Variants in CYFIP1 observed in about 807,000 individuals in gnomAD.
The protein encoded by CYFIP1 is cytoplasmic FMR1-interacting protein 1.
A neutral mutation model predicts 163.5 loss-of-function variants in CYFIP1; 58 were observed. That is an observed-to-expected ratio of 0.35 (90% confidence interval 0.29 to 0.44). CYFIP1 has a LOEUF of 0.44. Among genes scored for constraint, CYFIP1 ranks in the 20% least tolerant of loss-of-function variants. The pLI, the probability that CYFIP1 is intolerant of heterozygous loss-of-function variation, is 1.00. For missense variants in CYFIP1, 1,338 were observed against 1,653.8 expected (o/e 0.81, Z 3.31); for synonymous variants, 663 against 660.7 (o/e 1.00, Z -0.05).
intron 1 of CYFIP1, among the ~76,000 whole-genome samples, chr15:22,970,400 T>G (rs952287821): frequency 3.9e-5 from 6 of 152,226 alleles, no homozygotes; most frequent in Non-Finnish European, 5.9e-5. Flanking sequence ...TGCAATCCCT[T>G]TGAAAATTCC....
Position 22,928,009 on chromosome 15 carries a change from C to CGGCCCG in CYFIP1, c.1124_1129dup (p.Gly376_Arg377insProGly). ...CGCGTCCGTCTTCTGGGCCTCCTGGCGGCCCGAGCCCGTGACCACCTGCAC... is the reference window on the plus strand; with the variant it reads ...CGCGTCCGTCTTCTGGGCCTCCTGGCGGCCCGGGCCCGAGCCCGTGACCACCTGCAC... On this transcript the variant is annotated inframe_insertion, in exon 12 of 31. Coordinates refer to ENST00000617928, the MANE Select transcript of CYFIP1 (RefSeq NM_014608.6). 1 of 1,573,774 alleles carries CGGCCCG rather than the reference C, an allele frequency of 6.4e-7. No individual in the cohort carries two copies. The highest frequency in any genetic ancestry group is 2.3e-5 in the East Asian group (1 of 42,666).
At chr15:22,886,857 C>T (rs1392356714) in intron 23 of CYFIP1, among the ~76,000 whole-genome samples, 1 of 152,180 alleles carries the variant, frequency 6.6e-6, no homozygotes, top group Non-Finnish European at 1.5e-5. Context: ...TCTACTTGTT[C>T]TGTCAATTAC....
chr15:22,962,419 A>G (rs998401865), intron 1 of CYFIP1, among the ~76,000 whole-genome samples: 7 of 136,068 alleles, frequency 5.1e-5, no homozygotes, highest in African/African-American at 2.8e-5. Flanking sequence ...TTTTCTTGAG[A>G]CGGAGTTTTG....
rs1231311934 is a variant in CYFIP1 at position 22,880,005 on chromosome 15, C to T, written c.2950G>A (p.Val984Met). The T allele has an allele frequency of 6.2e-6, 10 of 1,613,952 alleles. No homozygotes were observed. Among genetic ancestry groups the T allele is most frequent in the South Asian group, 2.2e-5 (2 of 91,074 alleles). The change falls in exon 26 of 31, where the codon GTG (valine) becomes ATG (methionine). Residue 984 changes from valine (V) to methionine (M), a missense_variant. By Grantham distance (21) the Val-to-Met change is conservative (BLOSUM62 1). Transcript: ENST00000617928. ...ACCGTCTTCAGCTCTGCGTACTCCA[C>T]GATGTCCTTCAGCTGGTGGTGGAAG... ...EFFHHQLKDI[V>M]EYAELKTVCF...
chr15:22,960,582 G>A (rs2062642443), intron 1 of CYFIP1, among the ~76,000 whole-genome samples: 1 of 152,198 alleles, frequency 6.6e-6, no homozygotes, highest in Non-Finnish European at 1.5e-5. Context: ...GTCCATCAAA[G>A]GAACAAAAGC....
At chr15:22,933,664 G>C (rs2061610143) in intron 10 of CYFIP1, 138 bp downstream of exon 10, 2 of 642,936 alleles carry the variant, frequency 3.1e-6, no homozygotes, top group East Asian at 5.5e-5. Context: ...ATGTGGCAAA[G>C]GCTGCAATAC....
At chr15:22,907,713 G>A (rs1445305735) in intron 21 of CYFIP1, among the ~76,000 whole-genome samples, 1 of 152,202 alleles carries the variant, frequency 6.6e-6, no homozygotes, top group African/African-American at 2.4e-5. Context: ...AAATCCTAAA[G>A]ATTCAAAGGC....
intron 1 of CYFIP1, among the ~76,000 whole-genome samples, chr15:22,955,473 G>A (rs536863622): frequency 1.3e-5 from 2 of 152,332 alleles, no homozygotes; most frequent in African/African-American, 2.4e-5. Context: ...GAGGCAGCAT[G>A]GAGCTGGAGC....
chr15:22,933,275 G>A (rs1024738132), intron 10 of CYFIP1, among the ~76,000 whole-genome samples: 2 of 152,024 alleles, frequency 1.3e-5, no homozygotes, highest in Admixed American at 6.6e-5. Flanking sequence ...CATTTCAAAC[G>A]TGGCTGTCGT....
At chr15:22,977,758 G>A (rs1482492287) in intron 1 of CYFIP1, among the ~76,000 whole-genome samples, 1 of 151,212 alleles carries the variant, frequency 6.6e-6, no homozygotes, top group East Asian at 2.0e-4. Context: ...TTGAACCCAG[G>A]AGGTGGAAGT....
chr15:22,944,158 G>A (rs189480535), intron 5 of CYFIP1, among the ~76,000 whole-genome samples: 4 of 148,184 alleles, frequency 2.7e-5, no homozygotes, highest in Admixed American at 1.4e-4. Flanking sequence ...AGAATCGCTT[G>A]AACCTGGGAG....
Position 22,917,430 on chromosome 15 carries a change from C to T in CYFIP1, c.1674+358G>A. ...CACCTCACAGTTTCCCACGCCCCAT[C>T]TACAGTCATTTGCAGACCCAACGTA... On this transcript the variant is annotated intron_variant, in intron 15 of 30. Transcript: ENST00000617928. The surrounding 1 kb of genome is among the most constrained non-coding windows in gnomAD (Gnocchi z 4.2). The T allele has an allele frequency of 1.6e-6, 1 of 610,834 alleles. No homozygotes were observed. Among genetic ancestry groups the T allele is most frequent in the Non-Finnish European group, 2.5e-6 (1 of 406,698 alleles). The allele number at this position is 610,834 out of a possible 1,614,324, so 37.8% of individuals were successfully genotyped here. A position where few individuals can be genotyped will look rare whatever the true frequency, so the allele number is the denominator to read the frequency against.
At chr15:22,886,891 A>G (rs1269689621) in intron 23 of CYFIP1, among the ~76,000 whole-genome samples, 2 of 152,136 alleles carry the variant, frequency 1.3e-5, no homozygotes, top group East Asian at 1.9e-4. Context: ...GAAGTCCCCA[A>G]CTGTAACTGT....
At position 22,868,259 on chromosome 15, in the gene CYFIP1, C is replaced by CATAT. The variant is rs2059280317; in HGVS notation, c.*1768_*1769insATAT. ...CCATTTTAATACTACAGATGTACTA[C>CATAT]GTATCTGTTTATATACTGTACCTAC... is the stretch of plus-strand genomic sequence containing the variant. On this transcript the variant is annotated 3_prime_UTR_variant, in exon 31 of 31. Transcript: ENST00000617928. 1 of 151,664 alleles carries CATAT rather than the reference C, an allele frequency of 6.6e-6. No homozygotes were observed. The allele number at this position is 151,664 out of a possible 1,614,324, so 9.4% of individuals were successfully genotyped here. A position where few individuals can be genotyped will look rare whatever the true frequency, so the allele number is the denominator to read the frequency against.
At chr15:22,880,488 C>T (rs1450338381) in intron 25 of CYFIP1, among the ~76,000 whole-genome samples, 3 of 152,214 alleles carry the variant, frequency 2.0e-5, no homozygotes, top group African/African-American at 7.2e-5. Flanking sequence ...CGGGAGGCCG[C>T]ACACCAGGCC....
At chr15:22,879,657 C>G (rs1462635089) in intron 26 of CYFIP1, among the ~76,000 whole-genome samples, 2 of 152,038 alleles carry the variant, frequency 1.3e-5, no homozygotes, top group Non-Finnish European at 2.9e-5. Flanking sequence ...ATGTTGAAAA[C>G]ATCACATAAT....
chr15:22,924,399 G>A (rs999376075), intron 13 of CYFIP1, among the ~76,000 whole-genome samples: 1 of 152,164 alleles, frequency 6.6e-6, no homozygotes, highest in Non-Finnish European at 1.5e-5. Context: ...CCTCTAGCCT[G>A]GGTGACAGAG....
chr15:22,957,440 T>C (rs1178150048), intron 1 of CYFIP1, among the ~76,000 whole-genome samples: 1 of 152,100 alleles, frequency 6.6e-6, no homozygotes, highest in Non-Finnish European at 1.5e-5. Flanking sequence ...ATCAAGACCA[T>C]CCTAGCTAAC....
chr15:22,969,130 G>A lies in CYFIP1; in HGVS notation c.-7+11157C>T, dbSNP rs369039954. On this transcript the variant is annotated intron_variant, in intron 1 of 30. Coordinates refer to ENST00000617928, the MANE Select transcript of CYFIP1 (RefSeq NM_014608.6). ...ACCCACTGCTTTCAGAGTGTTTTGG[G>A]CTTTTTTCCCCCTCCCCTGTGATGC... Among the ~76,000 whole-genome samples, 25 of 152,252 alleles carry A rather than the reference G, an allele frequency of 1.6e-4. 1 individual carries two copies. In the East Asian group the frequency reaches 3.5e-3, roughly 21 times the overall value.
Sources: allele counts gnomAD v4.1 joint callset (sites outside exome capture counted in the v4.1 genomes callset), GRCh38; gene constraint gnomAD v4.1.1; non-coding constraint Gnocchi (gnomAD v3.1); transcripts MANE v1.5; gene names NCBI Gene and HGNC (gene_info 2026-07-23, HGNC 2026-07-21).